The following URB1 variants were observed in gnomAD, a reference collection of about 807,000 sequenced individuals.
URB1 encodes the protein URB1 ribosome biogenesis factor.
A neutral mutation model predicts 242.3 loss-of-function variants in URB1; 197 were observed. That is an observed-to-expected ratio of 0.81 (90% CI 0.72 to 0.91). URB1 has a LOEUF of 0.91. Ranked by LOEUF, URB1 falls within the 40% of genes least tolerant of loss-of-function variation. The pLI is 0.00. For synonymous variants in URB1, 1,153 were observed against 1,201.8 expected (o/e 0.96, Z 0.84); for missense variants, 2,721 against 2,860.5 (o/e 0.95, Z 1.11).
chr21:32,314,515 T>G lies in URB1; in HGVS notation c.*403A>C. On this transcript the variant is annotated 3_prime_UTR_variant, in exon 39 of 39. Coordinates refer to ENST00000382751, the MANE Select transcript of URB1 (RefSeq NM_014825.3). ...TAAACTTTAAACATCTCTCTTCGTT[T>G]TCATAAAAAAAATCTGATACCTTTT... 6.3e-7 allele frequency: 1 copy of G among 1,588,592 alleles called. No homozygotes were observed. The highest frequency in any genetic ancestry group is 8.6e-7 in the Non-Finnish European group (1 of 1,156,744).
chr21:32,345,604 T>C (rs781557332), intron 22 of URB1, 29 bp from the exon 23 acceptor site: 31 of 1,511,074 alleles, frequency 2.1e-5, no homozygotes, highest in Non-Finnish European at 2.7e-5. Context: ...GGAGAAGTCA[T>C]CACACCCAAT....
intron 21 of URB1, among the ~76,000 whole-genome samples, chr21:32,348,187 G>A (rs1473847117): frequency 3.9e-5 from 6 of 152,290 alleles, no homozygotes; most frequent in South Asian, 2.1e-4. Context: ...GGGGCGGGCC[G>A]TGCAGAAACA....
chr21:32,355,980 C>T (rs532752080), intron 15 of URB1, among the ~76,000 whole-genome samples: 39 of 152,306 alleles, frequency 2.6e-4, no homozygotes, highest in East Asian at 2.5e-3. Context: ...CCAAGGAGCA[C>T]GCAGGGGGTG....
Position 32,337,573 on chromosome 21 carries a change from A to C in URB1, c.4511-59T>G, listed in dbSNP as rs961915915. 2.8e-6 allele frequency: 4 copies of C among 1,411,282 alleles called. No individual in the cohort carries two copies. In the African/African-American group the frequency reaches 5.7e-5, roughly 20 times the overall value. The allele number at this position is 1,411,282 out of a possible 1,614,324, so 87.4% of individuals were successfully genotyped here. A position where few individuals can be genotyped will look rare whatever the true frequency, so the allele number is the denominator to read the frequency against. ...GTGGGGCAGACACACTGAATACCAGAAGAGGAGAGAGCCTTCCAGGCAACA... is the reference window on the plus strand; with the variant it reads ...GTGGGGCAGACACACTGAATACCAGCAGAGGAGAGAGCCTTCCAGGCAACA... On this transcript the variant is annotated intron_variant, in intron 26 of 38. Coordinates refer to ENST00000382751, the MANE Select transcript of URB1 (RefSeq NM_014825.3).
intron 23 of URB1, 115 bp downstream of exon 23, chr21:32,345,259 G>T: frequency 8.6e-7 from 1 of 1,159,210 alleles, no homozygotes; most frequent in Non-Finnish European, 1.2e-6. Flanking sequence ...GGAACTGCCT[G>T]ATCACAGATG....
chr21:32,316,411 C>A, intron 38 of URB1, 55 bp downstream of exon 38: 1 of 1,458,566 alleles, frequency 6.9e-7, no homozygotes, highest in Non-Finnish European at 9.1e-7. Context: ...ACTCCTGCCC[C>A]CAGGCCCACT....
At chr21:32,375,880 C>T (rs918756926) in intron 5 of URB1, among the ~76,000 whole-genome samples, 3 of 151,986 alleles carry the variant, frequency 2.0e-5, no homozygotes, top group African/African-American at 7.3e-5. Context: ...TCACCAGTAC[C>T]CAGGAGTTTG....
chr21:32,339,496 T>C (rs1309214014), intron 25 of URB1, among the ~76,000 whole-genome samples: 1 of 144,460 alleles, frequency 6.9e-6, no homozygotes, highest in Non-Finnish European at 1.5e-5. Flanking sequence ...TTTTTTTTCT[T>C]TTTTTTTTTT....
intron 25 of URB1, among the ~76,000 whole-genome samples, chr21:32,339,245 C>T (rs915796980): frequency 3.3e-5 from 5 of 152,212 alleles, no homozygotes; most frequent in African/African-American, 9.6e-5. Context: ...CTGCCCACCT[C>T]GGCCTCCCAA....
At chr21:32,319,078 C>T (rs2032728975) in intron 36 of URB1, 139 bp downstream of exon 36, 2 of 749,102 alleles carry the variant, frequency 2.7e-6, no homozygotes, top group Non-Finnish European at 4.1e-6. Flanking sequence ...GACACTGGTG[C>T]TCTGCCCCAA....
intron 33 of URB1, 36 bp downstream of exon 33, chr21:32,322,442 G>A: frequency 6.6e-7 from 1 of 1,503,920 alleles, no homozygotes; most frequent in Non-Finnish European, 9.1e-7. Context: ...TCAATTCAGG[G>A]GCCTGCAGAA....
rs1284439945 is a variant in URB1, at chr21:32,311,513, CTAG to C, written c.*3402_*3404del. ...GCACTTCCTCTCCTCTGAGATTTCT[CTAG>C]AATGGCCACCTTTGTGAGCTGGCTG... On this transcript the variant is annotated 3_prime_UTR_variant, in exon 39 of 39. Transcript: ENST00000382751. 11 of 826,292 alleles carry C rather than the reference CTAG, an allele frequency of 1.3e-5. No homozygotes were observed. In the African/African-American group the frequency reaches 1.9e-4, roughly 15 times the overall value. 51.2% of individuals were successfully genotyped at this position (826,292 alleles called of 1,614,324 possible). A position where few individuals can be genotyped will look rare whatever the true frequency, so the allele number is the denominator to read the frequency against.
chr21:32,375,284 C>A, intron 6 of URB1, 114 bp downstream of exon 6: 1 of 619,090 alleles, frequency 1.6e-6, no homozygotes, highest in Non-Finnish European at 2.6e-6. Context: ...TCAACCAATA[C>A]AACAATCTAT....
At chr21:32,379,973 C>T (rs1293253351) in intron 4 of URB1, among the ~76,000 whole-genome samples, 2 of 148,482 alleles carry the variant, frequency 1.3e-5, no homozygotes, top group African/African-American at 2.5e-5. Flanking sequence ...AGCGAGACTC[C>T]ATCTCAAAAA....
At chr21:32,320,195 C>T (rs2032747843) in intron 35 of URB1, among the ~76,000 whole-genome samples, 1 of 152,202 alleles carries the variant, frequency 6.6e-6, no homozygotes, top group South Asian at 2.1e-4. Flanking sequence ...CTTCAGAGCA[C>T]AGAAGGCTGC....
At chr21:32,336,726 C>A (rs532121410) in intron 28 of URB1, among the ~76,000 whole-genome samples, 1 of 152,338 alleles carries the variant, frequency 6.6e-6, no homozygotes, top group East Asian at 1.9e-4. Context: ...AGTTGAGCCC[C>A]CTGACACTTC....
chr21:32,365,985 C>T (rs2033342199), intron 10 of URB1, among the ~76,000 whole-genome samples: 1 of 152,186 alleles, frequency 6.6e-6, no homozygotes, highest in South Asian at 2.1e-4. Context: ...TGCCAACAAC[C>T]CACAGCCATT....
At chr21:32,352,098 G>A (rs1325315901) in intron 19 of URB1, among the ~76,000 whole-genome samples, 2 of 152,200 alleles carry the variant, frequency 1.3e-5, no homozygotes, top group African/African-American at 4.8e-5. Context: ...ACAAGATAAG[G>A]AGGGTCTAAA....
rs1387737301 is a variant in URB1, at chr21:32,392,795, A to G, written c.116T>C (p.Leu39Pro). The G allele has an allele frequency of 2.7e-6, 4 of 1,505,120 alleles. No homozygotes were observed. The highest frequency in any genetic ancestry group is 3.5e-6 in the Non-Finnish European group (4 of 1,128,834). The allele number at this position is 1,505,120 out of a possible 1,614,324, so 93.2% of individuals were successfully genotyped here. ...TGGCCCGGGGCCCTGCGGGTCCTTC[A>G]GCTGAGCCTTGAACCGCACGCCCGT... ...ELTGVRFKAQ[L>P]KDPQGPGPGL... The change falls in exon 1 of 39, where the codon CTG becomes CCG. Residue 39 changes from leucine to proline, a missense_variant. Transcript: ENST00000382751.
Sources: allele counts gnomAD v4.1 joint callset (sites outside exome capture counted in the v4.1 genomes callset), GRCh38; gene constraint gnomAD v4.1.1; transcripts MANE v1.5; gene names NCBI Gene and HGNC (gene_info 2026-07-23, HGNC 2026-07-21).